Variants in SUFU observed in about 807,000 individuals in gnomAD.
SUFU encodes the protein SUFU negative regulator of hedgehog signaling.
In SUFU, 7 loss-of-function variants were observed where a neutral mutation model predicts 58.9. That is an observed-to-expected ratio of 0.12 (90% CI 0.07 to 0.22). The LOEUF (loss-of-function observed/expected upper bound fraction) is 0.22. Ranked by LOEUF, SUFU falls within the 10% of genes least tolerant of loss-of-function variation. The pLI is 1.00. For missense variants in SUFU, 451 were observed against 641.3 expected (o/e 0.70, Z 3.20); for synonymous variants, 232 against 254.8 (o/e 0.91, Z 0.85).
At chr10:102,593,489 C>A in intron 4 of SUFU, 147 bp from the exon 5 acceptor site, 1 of 823,408 alleles carries the variant, frequency 1.2e-6, no homozygotes. Flanking sequence ...CTAAGGGAAT[C>A]ATCCAATCTT....
In SUFU at chr10:102,625,549, G is replaced by C. The variant is rs1404107963; in HGVS notation, c.1297-1626G>C. The stretch of plus-strand genomic sequence containing the variant: ...GATGAATGGATGAGTTAGTGTCCTG[G>C]GGGTGAGAGTTCAGCATTCGGGAGC... On this transcript the variant is annotated intron_variant, in intron 10 of 11. Coordinates refer to ENST00000369902, the MANE Select transcript of SUFU (RefSeq NM_016169.4). This position sits in a 1 kb window ranked among gnomAD's most constrained non-coding sequence, Gnocchi z 4.7. Among the ~76,000 whole-genome samples, 4 of 152,156 alleles carry C rather than the reference G, an allele frequency of 2.6e-5. No individual in the cohort carries two copies. Among genetic ancestry groups the C allele is most frequent in the Non-Finnish European group, 5.9e-5 (4 of 68,026 alleles).
At position 102,593,663 on chromosome 10, in the gene SUFU, C is replaced by A; in HGVS notation, c.625C>A (p.His209Asn). 1 of 1,614,210 alleles carries A rather than the reference C, an allele frequency of 6.2e-7. No homozygotes were observed. Among genetic ancestry groups the A allele is most frequent in the Non-Finnish European group, 8.5e-7 (1 of 1,180,038 alleles). The stretch of plus-strand genomic sequence containing the variant: ...CGTTGGTGTCTGCACTGAAGAGCTA[C>A]ACTCAGCCCAGCAGTGGAACGGGCA... ...QIVGVCTEEL[H>N]SAQQWNGQGI... The change falls in exon 5 of 12, where the codon CAC (histidine) becomes AAC (asparagine). Residue 209 changes from histidine to asparagine, a missense_variant. By Grantham distance (68) the His-to-Asn change is moderately conservative. Transcript: ENST00000369902.
At position 102,617,287 on chromosome 10, in the gene SUFU, C is replaced by T. The variant is rs936830108; in HGVS notation, c.1158-3C>T. On this transcript the variant is annotated splice_polypyrimidine_tract_variant and splice_region_variant and intron_variant, in intron 9 of 11. Transcript: ENST00000369902. This position sits in a 1 kb window ranked among gnomAD's most constrained non-coding sequence, Gnocchi z 4.4. ...CTCACTGTCTCCATGTTCCCATCTC[C>T]AGGGGCAGGCTCCTGCATGGACGGC... is the stretch of plus-strand genomic sequence containing the variant. 1.2e-6 allele frequency: 2 copies of T among 1,614,240 alleles called. No individual in the cohort carries two copies. The highest frequency in any genetic ancestry group is 2.2e-5 in the East Asian group (1 of 44,880).
intron 3 of SUFU, among the ~76,000 whole-genome samples, chr10:102,567,573 A>G (rs1257116018): frequency 2.6e-5 from 4 of 152,190 alleles, no homozygotes; most frequent in Non-Finnish European, 5.9e-5. Flanking sequence ...ATGAGGTTCA[A>G]GCAGCATTTC....
intron 3 of SUFU, among the ~76,000 whole-genome samples, chr10:102,567,406 C>T (rs1042095692): frequency 6.6e-5 from 10 of 152,174 alleles, no homozygotes; most frequent in East Asian, 1.9e-4. Flanking sequence ...ACCCGTAAGC[C>T]ATACACAGTA....
chr10:102,552,017 G>T (rs1425516571), intron 3 of SUFU, among the ~76,000 whole-genome samples: 1 of 151,994 alleles, frequency 6.6e-6, no homozygotes, highest in African/African-American at 2.4e-5. Flanking sequence ...GAGCCACTGT[G>T]CCCGACCTTA....
At chr10:102,579,936 G>A (rs1814691263) in intron 3 of SUFU, 3 of 852,372 alleles carry the variant, frequency 3.5e-6, no homozygotes, top group Non-Finnish European at 4.2e-6. Context: ...CACCATCTGC[G>A]CCATTTGACC....
chr10:102,613,846 G>T (rs2063652481), intron 8 of SUFU, among the ~76,000 whole-genome samples: 4 of 152,336 alleles, frequency 2.6e-5, no homozygotes, highest in Admixed American at 2.0e-4. Context: ...CGCACTTTTG[G>T]TGGGGAGCAG....
chr10:102,619,009 C>T lies in SUFU; in HGVS notation c.1296+1581C>T, dbSNP rs1017077504. On this transcript the variant is annotated intron_variant, in intron 10 of 11. Transcript: ENST00000369902. The surrounding 1 kb of genome is among the most constrained non-coding windows in gnomAD (Gnocchi z 4.2). ...TTCAAGCACGTTTTCCTGGGACAGTCGGGACTGGGGCCTCCCCAAACTGCA... is the reference window on the plus strand; with the variant it reads ...TTCAAGCACGTTTTCCTGGGACAGTTGGGACTGGGGCCTCCCCAAACTGCA... 6.7e-5 allele frequency: 106 copies of T among 1,577,260 alleles called. No individual in the cohort carries two copies. Among genetic ancestry groups the T allele is most frequent in the East Asian group, 4.6e-5 (2 of 43,440 alleles).
rs749294559 is a variant in SUFU, at chr10:102,619,884, C to A, written c.1296+2456C>A. Among the ~76,000 whole-genome samples, 1 of 152,142 alleles carries A rather than the reference C, an allele frequency of 6.6e-6. No homozygotes were observed. The highest frequency in any genetic ancestry group is 1.9e-4 in the East Asian group (1 of 5,194). On this transcript the variant is annotated intron_variant, in intron 10 of 11. Transcript: ENST00000369902. This position sits in a 1 kb window ranked among gnomAD's most constrained non-coding sequence, Gnocchi z 4.2. ...TCCTAGAGGCCTGGGGTTAGACTTG[C>A]AGTCGCCAGTGAGGGCCACTCCACT...
At position 102,504,354 on chromosome 10, in the gene SUFU, G is replaced by A. The variant is rs2135599029; in HGVS notation, c.182+20G>A. 3.1e-6 allele frequency: 5 copies of A among 1,613,894 alleles called. No individual in the cohort carries two copies. The highest frequency in any genetic ancestry group is 1.7e-4 in the Middle Eastern group (1 of 6,060). On this transcript the variant is annotated intron_variant, in intron 1 of 11. Coordinates refer to ENST00000369902, the MANE Select transcript of SUFU (RefSeq NM_016169.4). Reference sequence around the variant, plus strand: ...GTACTGGTATGCTCTGGGCCGCGGGGAGACGGACAGGCGCGGGCTGGAAAG... The same window carrying A: ...GTACTGGTATGCTCTGGGCCGCGGGAAGACGGACAGGCGCGGGCTGGAAAG...
chr10:102,571,857 T>C (rs1440065240), intron 3 of SUFU, among the ~76,000 whole-genome samples: 1 of 152,190 alleles, frequency 6.6e-6, no homozygotes, highest in African/African-American at 2.4e-5. Context: ...CTTGTTCATA[T>C]ACAGGCTGCA....
At chr10:102,613,623 T>C (rs577293348) in intron 8 of SUFU, among the ~76,000 whole-genome samples, 1 of 152,374 alleles carries the variant, frequency 6.6e-6, no homozygotes, top group Non-Finnish European at 1.5e-5. Flanking sequence ...ACTTGAATGA[T>C]AAATAACTAG....
chr10:102,631,411 A>G lies in SUFU; in HGVS notation c.*1256A>G, dbSNP rs575103024. On this transcript the variant is annotated 3_prime_UTR_variant, in exon 12 of 12. Transcript: ENST00000369902. The stretch of plus-strand genomic sequence containing the variant: ...TCTCACAGTTTGCCTTCCAGAAGCC[A>G]GCCTATCTCTAGCCCATGGTTTTGG... 1.8e-4 allele frequency: 43 copies of G among 233,484 alleles called. No individual in the cohort carries two copies. Among genetic ancestry groups the G allele is most frequent in the Admixed American group, 8.4e-4 (15 of 17,792 alleles). The allele number at this position is 233,484 out of a possible 1,614,324, so 14.5% of individuals were successfully genotyped here. A position where few individuals can be genotyped will look rare whatever the true frequency, so the allele number is the denominator to read the frequency against.
At chr10:102,520,224 T>C (rs1195418915) in intron 2 of SUFU, among the ~76,000 whole-genome samples, 10 of 147,374 alleles carry the variant, frequency 6.8e-5, no homozygotes, top group Admixed American at 4.7e-4. Flanking sequence ...TTTTTTTTTT[T>C]TTTTTTTTTT....
rs530973545 is a variant in SUFU at position 102,536,245 on chromosome 10, G to A, written c.318-13725G>A. On this transcript the variant is annotated intron_variant, in intron 2 of 11. Coordinates refer to ENST00000369902, the MANE Select transcript of SUFU (RefSeq NM_016169.4). ...CTCCCAAAGTGCTGGGATTACAGGCGTGAGCGTGAGCCACTGTGCCTGGCC... is the reference window on the plus strand; with the variant it reads ...CTCCCAAAGTGCTGGGATTACAGGCATGAGCGTGAGCCACTGTGCCTGGCC... Among the ~76,000 whole-genome samples, 12 of 151,854 alleles carry A rather than the reference G, an allele frequency of 7.9e-5. No homozygotes were observed. The East Asian group carries it at 2.1e-3, about 27-fold the overall frequency.
rs561651427 is a variant in SUFU at position 102,504,161 on chromosome 10, G to A, written c.9G>A (p.Glu3=). Residue 3 remains glutamate (E), a synonymous_variant, in exon 1 of 12, where the codon GAG becomes GAA. Transcript: ENST00000369902. Reference sequence around the variant, plus strand: ...CTGCCCTACGCACCCCGATGGCGGAGCTGCGGCCTAGCGGCGCCCCCGGCC... The same window carrying A: ...CTGCCCTACGCACCCCGATGGCGGAACTGCGGCCTAGCGGCGCCCCCGGCC... MA[E]LRPSGAPGPT... The A allele has an allele frequency of 7.5e-5, 116 of 1,544,782 alleles. 1 individual carries two copies. The South Asian group carries it at 1.3e-3, about 17-fold the overall frequency.
At chr10:102,519,527 CAAAAAA>C (rs35007507) in intron 2 of SUFU, among the ~76,000 whole-genome samples, 2 of 127,420 alleles carry the variant, frequency 1.6e-5, no homozygotes, top group African/African-American at 5.9e-5. Context: ...AACTCTGTCT[CAAAAAA>C]AAAAAAAAAA....
intron 4 of SUFU, among the ~76,000 whole-genome samples, chr10:102,593,166 A>G (rs2063421717): frequency 6.6e-6 from 1 of 152,166 alleles, no homozygotes; most frequent in Admixed American, 6.5e-5. Context: ...ACAAAGGCCT[A>G]TCCCCTAATA....
Sources: allele counts gnomAD v4.1 joint callset (sites outside exome capture counted in the v4.1 genomes callset), GRCh38; gene constraint gnomAD v4.1.1; non-coding constraint Gnocchi (gnomAD v3.1); transcripts MANE v1.5; gene names NCBI Gene and HGNC (gene_info 2026-07-23, HGNC 2026-07-21).